Variants in PRKACB observed in about 807,000 individuals in gnomAD.
PRKACB encodes protein kinase cAMP-activated catalytic subunit beta.
A neutral mutation model predicts 51.4 loss-of-function variants in PRKACB; 16 were observed. The ratio of observed to expected loss-of-function variants is 0.31; its 90% CI spans 0.21 to 0.47. The LOEUF is 0.47. Ranked by LOEUF, PRKACB falls within the 20% of genes least tolerant of loss-of-function variation. The probability of loss-of-function intolerance (pLI) is 1.00; values close to 1 mark genes in which losing one functional copy is unlikely to be tolerated. For synonymous variants in PRKACB, 147 were observed against 154.4 expected, an observed-to-expected ratio of 0.95 and a Z score of 0.35; for missense variants, 309 against 464.5, an observed-to-expected ratio of 0.67 and a Z score of 3.08.
chr1:84,136,516 A>ACACACACACT (rs1159553206), intron 1 of PRKACB, among the ~76,000 whole-genome samples: 2 of 152,078 alleles, frequency 1.3e-5, no homozygotes, highest in Admixed American at 6.6e-5. Flanking sequence ...ACACACACAC[A>ACACACACACT]CACTCACTCT....
intron 7 of PRKACB, among the ~76,000 whole-genome samples, chr1:84,199,759 A>G (rs1669517568): frequency 6.6e-6 from 1 of 151,658 alleles, no homozygotes; most frequent in Admixed American, 6.6e-5. Context: ...ACTAATTTAC[A>G]CTCCTACCAA....
At chr1:84,218,284 T>G (rs1673163706) in intron 9 of PRKACB, among the ~76,000 whole-genome samples, 1 of 152,188 alleles carries the variant, frequency 6.6e-6, no homozygotes, top group African/African-American at 2.4e-5. Flanking sequence ...TTGTTCTCAG[T>G]ACCTTAGTTC....
chr1:84,112,192 T>C (rs1650283822), intron 1 of PRKACB, among the ~76,000 whole-genome samples: 1 of 151,810 alleles, frequency 6.6e-6, no homozygotes, highest in South Asian at 2.1e-4. Flanking sequence ...AGTGTCCATT[T>C]CATAATAGAT....
Position 84,214,176 on chromosome 1 carries a change from T to TA in PRKACB, c.930_931insA (p.Ser311IlefsTer28). 6.2e-7 allele frequency: 1 copy of TA among 1,611,870 alleles called. No homozygotes were observed. Among genetic ancestry groups the TA allele is most frequent in the Admixed American group, 1.7e-5 (1 of 59,700 alleles). On this transcript the variant is annotated frameshift_variant, in exon 9 of 10. Coordinates refer to ENST00000370685, the MANE Select transcript of PRKACB (RefSeq NM_182948.4). LOFTEE classifies it high-confidence loss of function. ...AGGTCCGATTCCCATCCCACTTCAG[T>TA]TCAGATCTCAAGGACCTTCTACGGA...
At chr1:84,152,218 A>G (rs919006515) in intron 1 of PRKACB, among the ~76,000 whole-genome samples, 1 of 152,198 alleles carries the variant, frequency 6.6e-6, no homozygotes, top group Admixed American at 6.5e-5. Context: ...GGCTTAAAAT[A>G]GTAAACAATG....
chr1:84,208,035 T>TTG (rs1671597700), intron 8 of PRKACB, among the ~76,000 whole-genome samples: 1 of 152,062 alleles, frequency 6.6e-6, no homozygotes, highest in East Asian at 1.9e-4. Context: ...GCCCGGCTAA[T>TTG]TTTTGTGTTT....
intron 1 of PRKACB, among the ~76,000 whole-genome samples, chr1:84,111,833 A>G (rs1251844720): frequency 1.3e-5 from 2 of 152,174 alleles, no homozygotes; most frequent in Non-Finnish European, 2.9e-5. Context: ...GACCTGATAT[A>G]TATATATGAC....
chr1:84,218,385 G>T (rs1357343957), intron 9 of PRKACB, among the ~76,000 whole-genome samples: 3 of 151,980 alleles, frequency 2.0e-5, no homozygotes, highest in Admixed American at 2.0e-4. Flanking sequence ...ACTTTTTTAG[G>T]TTCCACATGT....
At chr1:84,164,333 A>T in intron 1 of PRKACB, 1 of 1,544,804 alleles carries the variant, frequency 6.5e-7, no homozygotes, top group Non-Finnish European at 8.8e-7. Context: ...AGTGAGGTCC[A>T]CAGCTAGCAG....
chr1:84,170,666 CACTT>C (rs1659145068), intron 1 of PRKACB, among the ~76,000 whole-genome samples: 1 of 151,668 alleles, frequency 6.6e-6, no homozygotes, highest in South Asian at 2.1e-4. Flanking sequence ...AATACACACA[CACTT>C]ACACACATAC....
At chr1:84,218,000 G>T (rs642052) in intron 9 of PRKACB, among the ~76,000 whole-genome samples, 35 of 152,232 alleles carry the variant, frequency 2.3e-4, no homozygotes, top group Middle Eastern at 6.8e-3. Flanking sequence ...GTCTATTTCT[G>T]AACTTTTTAA....
At chr1:84,214,649 C>T (rs748499197) in intron 9 of PRKACB, among the ~76,000 whole-genome samples, 10 of 151,946 alleles carry the variant, frequency 6.6e-5, no homozygotes, top group Non-Finnish European at 1.2e-4. Context: ...CATGCCATCA[C>T]ATCTGGATGA....
Position 84,235,309 on chromosome 1 carries a change from G to A in PRKACB, c.*4G>A. 1 of 1,613,942 alleles carries A rather than the reference G, an allele frequency of 6.2e-7. No individual in the cohort carries two copies. The highest frequency in any genetic ancestry group is 1.3e-5 in the African/African-American group (1 of 75,032). Reference sequence around the variant, plus strand: ...AAAAGAATTTGGTGAATTTTAAAGAGGAACAAGATGACATCTGAGCTCACA... The same window carrying A: ...AAAAGAATTTGGTGAATTTTAAAGAAGAACAAGATGACATCTGAGCTCACA... On this transcript the variant is annotated 3_prime_UTR_variant, in exon 10 of 10. Coordinates refer to ENST00000370685, the MANE Select transcript of PRKACB (RefSeq NM_182948.4).
chr1:84,149,785 T>C (rs542070245), intron 1 of PRKACB, among the ~76,000 whole-genome samples: 64 of 152,240 alleles, frequency 4.2e-4, no homozygotes, highest in African/African-American at 1.1e-3. Context: ...TATTTTTATA[T>C]TTTATAGGAT....
intron 9 of PRKACB, among the ~76,000 whole-genome samples, chr1:84,230,374 C>T (rs1316759823): frequency 6.6e-6 from 1 of 152,166 alleles, no homozygotes; most frequent in African/African-American, 2.4e-5. Context: ...TGAGATGCCT[C>T]CAGCTTTGTT....
chr1:84,175,813 C>A, intron 1 of PRKACB: 1 of 1,564,058 alleles, frequency 6.4e-7, no homozygotes, highest in South Asian at 1.2e-5. Context: ...CTTTGGTATG[C>A]TCATTTCCTT....
chr1:84,221,068 C>T (rs144055095), intron 9 of PRKACB, among the ~76,000 whole-genome samples: 64 of 152,122 alleles, frequency 4.2e-4, no homozygotes, highest in Non-Finnish European at 5.7e-4. Context: ...GCCATGCAGC[C>T]CTGGGCTTTT....
At chr1:84,209,891 A>G (rs2101543042) in intron 8 of PRKACB, among the ~76,000 whole-genome samples, 1 of 152,338 alleles carries the variant, frequency 6.6e-6, no homozygotes, top group East Asian at 1.9e-4. Context: ...TTCAATCAAT[A>G]TTTGTTGAAT....
chr1:84,123,095 C>T (rs529756574), intron 1 of PRKACB, among the ~76,000 whole-genome samples: 1 of 152,140 alleles, frequency 6.6e-6, no homozygotes, highest in Admixed American at 6.6e-5. Context: ...TGATTTAAAA[C>T]AGGGTCAGTT....
Sources: allele counts gnomAD v4.1 joint callset (sites outside exome capture counted in the v4.1 genomes callset), GRCh38; gene constraint gnomAD v4.1.1; transcripts MANE v1.5; gene names NCBI Gene and HGNC (gene_info 2026-07-23, HGNC 2026-07-21).